ROS1: variants seen among roughly 807,000 people sequenced by gnomAD.
ROS1 encodes the protein proto-oncogene tyrosine-protein kinase ROS.
ROS1 carries 263 observed loss-of-function variants against 273.5 expected under a neutral mutation model. That is an observed-to-expected ratio of 0.96 (90% confidence interval 0.87 to 1.06). ROS1 has a LOEUF of 1.06. Among genes scored for constraint, ROS1 ranks in the 50% least tolerant of loss-of-function variants. ROS1 has a pLI of 0.00. For missense variants in ROS1, 2,833 were observed against 2,751.1 expected (o/e 1.03, Z -0.67); for synonymous variants, 1,008 against 954.1 (o/e 1.06, Z -1.04).
Position 117,337,205 on chromosome 6 carries a change from T to C in ROS1, c.5197A>G (p.Ser1733Gly), listed in dbSNP as rs143435239. ...VVVVYKTGEN[S>G]TSLPESFKTK... ...TTAAAGCTTTCTGGAAGTGAGGTGCTATTTTCTCCCGTCTTATAAACCACC... is the reference window on the plus strand; with the variant it reads ...TTAAAGCTTTCTGGAAGTGAGGTGCCATTTTCTCCCGTCTTATAAACCACC... The change falls in exon 32 of 44, where the codon AGC becomes GGC. Residue 1733 changes from serine to glycine, a missense_variant. Physicochemically the swap from Ser to Gly is moderately conservative, Grantham distance 56 (BLOSUM62 0). Coordinates refer to ENST00000368507, the MANE Select transcript of ROS1 (RefSeq NM_001378902.1). 1 of 1,612,390 alleles carries C rather than the reference T, an allele frequency of 6.2e-7. No individual in the cohort carries two copies. Among genetic ancestry groups the C allele is most frequent in the Non-Finnish European group, 8.5e-7 (1 of 1,179,028 alleles).
chr6:117,356,586 G>C, intron 26 of ROS1, 43 bp downstream of exon 26: 1 of 1,556,346 alleles, frequency 6.4e-7, no homozygotes, highest in South Asian at 1.2e-5. Context: ...TGAAGGGGCT[G>C]CTCTTATTAA....
intron 39 of ROS1, among the ~76,000 whole-genome samples, chr6:117,315,579 G>T (rs1487908616): frequency 6.6e-6 from 1 of 152,224 alleles, no homozygotes; most frequent in East Asian, 1.9e-4. Flanking sequence ...GTTAGATAAA[G>T]AGTTTTCAAC....
chr6:117,382,935 T>C (rs1011165570), intron 17 of ROS1, among the ~76,000 whole-genome samples: 2 of 152,114 alleles, frequency 1.3e-5, no homozygotes, highest in Non-Finnish European at 2.9e-5. Context: ...CCAAAACTGA[T>C]TGAAAATAGT....
intron 24 of ROS1, among the ~76,000 whole-genome samples, chr6:117,358,535 C>T (rs1046384739): frequency 2.0e-5 from 3 of 151,928 alleles, no homozygotes; most frequent in Non-Finnish European, 2.9e-5. Context: ...TCTTGGTTCA[C>T]TGAAACCTTC....
intron 25 of ROS1, among the ~76,000 whole-genome samples, chr6:117,357,580 T>C (rs1779427207): frequency 6.6e-6 from 1 of 152,232 alleles, no homozygotes; most frequent in South Asian, 2.1e-4. Flanking sequence ...TTTAGGTAAT[T>C]AGCCTAACTT....
rs1170617504 is a variant in ROS1 at position 117,323,892 on chromosome 6, G to T, written c.5623+440C>A. Among the ~76,000 whole-genome samples the T allele has an allele frequency of 2.0e-5, 3 of 152,096 alleles. No individual in the cohort carries two copies. In the South Asian group the frequency reaches 6.2e-4, roughly 32 times the overall value. On this transcript the variant is annotated intron_variant, in intron 35 of 43. Coordinates refer to ENST00000368507, the MANE Select transcript of ROS1 (RefSeq NM_001378902.1). ...AAGAGGCCCTACTCATTCCAAACCA[G>T]CCTGTCTGCTTAGAAACCAAAACTA...
chr6:117,394,738 A>C lies in ROS1; in HGVS notation c.884T>G (p.Val295Gly). The C allele has an allele frequency of 6.2e-7, 1 of 1,605,070 alleles. No homozygotes were observed. Among genetic ancestry groups the C allele is most frequent in the Non-Finnish European group, 8.5e-7 (1 of 1,176,694 alleles). ...AAAGAGCCACTGTTCCTCTTGTTGA[A>C]CTGAAAAAAACAACACAATTTGCAG... ...ESSITTSSSA[V>G]QQEEQWLFLS... The change falls in exon 10 of 44, where the codon GTT becomes GGT. Residue 295 changes from valine to glycine, a missense_variant and splice_region_variant. Physicochemically the swap from Val to Gly is moderately radical, Grantham distance 109. Transcript: ENST00000368507.
At chr6:117,388,384 C>T (rs1772770305) in intron 13 of ROS1, among the ~76,000 whole-genome samples, 1 of 151,958 alleles carries the variant, frequency 6.6e-6, no homozygotes, top group South Asian at 2.1e-4. Flanking sequence ...CCAAGAAGCC[C>T]AATCAATAAA....
At position 117,395,476 on chromosome 6, in the gene ROS1, G is replaced by A. The variant is rs560787974; in HGVS notation, c.883+712C>T. Among the ~76,000 whole-genome samples the A allele has an allele frequency of 2.6e-5, 4 of 152,232 alleles. No individual in the cohort carries two copies. The South Asian group carries it at 6.2e-4, about 24-fold the overall frequency. ...AGGCATGTACAGATTAGAGTAAGGG[G>A]CAGTCAAGTCAGCAAATAGGGTTCT... On this transcript the variant is annotated intron_variant, in intron 9 of 43. Transcript: ENST00000368507.
intron 26 of ROS1, 47 bp downstream of exon 26, chr6:117,356,582 G>A (rs985080684): frequency 2.3e-5 from 35 of 1,542,354 alleles, no homozygotes; most frequent in Non-Finnish European, 2.9e-5. Context: ...CAGTTGAAGG[G>A]GCTGCTCTTA....
Position 117,288,607 on chromosome 6 carries a change from T to A in ROS1, c.6911A>T (p.His2304Leu), listed in dbSNP as rs1409586765. The change falls in exon 44 of 44, where the codon CAT becomes CTT. Residue 2304 changes from histidine (H) to leucine (L), a missense_variant. His to Leu is a moderately conservative substitution (Grantham distance 99). Coordinates refer to ENST00000368507, the MANE Select transcript of ROS1 (RefSeq NM_001378902.1). ...TTCTTGGCAGAAATCTTTGTCTGCA[T>A]GTGGTTCCTTCTCTTCTTTCCTCAG... Reference protein sequence around the residue: ...CGLRKEEKEPHADKDFCQEKQ... With the variant: ...CGLRKEEKEPLADKDFCQEKQ... 6.2e-7 allele frequency: 1 copy of A among 1,614,208 alleles called. No homozygotes were observed. The highest frequency in any genetic ancestry group is 8.5e-7 in the Non-Finnish European group (1 of 1,180,034).
In ROS1 at chr6:117,362,773, T is replaced by C. The variant is rs2128655309; in HGVS notation, c.3196A>G (p.Lys1066Glu). 6.2e-7 allele frequency: 1 copy of C among 1,613,696 alleles called. No individual in the cohort carries two copies. The highest frequency in any genetic ancestry group is 1.1e-5 in the South Asian group (1 of 91,062). The change falls in exon 22 of 44, where the codon AAA (lysine) becomes GAA (glutamate). Residue 1066 changes from lysine to glutamate, a missense_variant. By Grantham distance (56) the Lys-to-Glu change is moderately conservative. Coordinates refer to ENST00000368507, the MANE Select transcript of ROS1 (RefSeq NM_001378902.1). ...AACACCCCATTTTCATGCTTAGGTT[T>C]GTTCCACCTAAATTCCACCACAACT... The part of the protein sequence containing the change: ...NEVVVEFRWN[K>E]PKHENGVLTK...
chr6:117,317,136 T>G lies in ROS1; in HGVS notation c.6117+7A>C, dbSNP rs1473707390. 6.2e-7 allele frequency: 1 copy of G among 1,609,620 alleles called. No homozygotes were observed. The highest frequency in any genetic ancestry group is 1.3e-5 in the African/African-American group (1 of 74,776). On this transcript the variant is annotated splice_region_variant and intron_variant, in intron 39 of 43. Transcript: ENST00000368507. ...TGAAACCAATATTATGGATCCCAACTGCCTACCGTTGCCATCCGGGCTTTA... is the reference window on the plus strand; with the variant it reads ...TGAAACCAATATTATGGATCCCAACGGCCTACCGTTGCCATCCGGGCTTTA...
rs1420973253 is a variant in ROS1, at chr6:117,346,570, C to CT, written c.4304-2309dup. Among the ~76,000 whole-genome samples the CT allele has an allele frequency of 9.2e-4, 135 of 146,866 alleles. 1 individual carries two copies. The highest frequency in any genetic ancestry group is 1.8e-3 in the Admixed American group (26 of 14,672). On this transcript the variant is annotated intron_variant, in intron 27 of 43. Coordinates refer to ENST00000368507, the MANE Select transcript of ROS1 (RefSeq NM_001378902.1). ...TCAACTTCAGATACTGCATGGACGTCTTTTTTTTTTGGTAAGACTTTATTT... is the reference window on the plus strand; with the variant it reads ...TCAACTTCAGATACTGCATGGACGTCTTTTTTTTTTTGGTAAGACTTTATTT...
chr6:117,314,004 T>C (rs539105246), intron 39 of ROS1, among the ~76,000 whole-genome samples: 1 of 152,212 alleles, frequency 6.6e-6, no homozygotes, highest in South Asian at 2.1e-4. Context: ...AACCAATCTT[T>C]ATAAGCATTA....
chr6:117,416,417 G>A (rs1775338257), intron 2 of ROS1, 100 bp from the exon 3 acceptor site: 1 of 789,132 alleles, frequency 1.3e-6, no homozygotes, highest in African/African-American at 1.7e-5. Flanking sequence ...ATCACTCTGT[G>A]TTTTAGAAAT....
chr6:117,310,580 C>T (rs1775465074), intron 40 of ROS1, among the ~76,000 whole-genome samples: 1 of 151,902 alleles, frequency 6.6e-6, no homozygotes, highest in Non-Finnish European at 1.5e-5. Flanking sequence ...GTATGATGTT[C>T]CCCTCCCTGT....
rs2128581553 is a variant in ROS1 at position 117,326,220 on chromosome 6, A to G, written c.5539+4T>C. On this transcript the variant is annotated splice_donor_region_variant and intron_variant, in intron 34 of 43. Coordinates refer to ENST00000368507, the MANE Select transcript of ROS1 (RefSeq NM_001378902.1). Reference sequence around the variant, plus strand: ...CTAGTGTGTAGACAGACATGGTAACATACCTCCAACTAATATAATATTCTC... The same window carrying G: ...CTAGTGTGTAGACAGACATGGTAACGTACCTCCAACTAATATAATATTCTC... 1 of 1,579,578 alleles carries G rather than the reference A, an allele frequency of 6.3e-7. No homozygotes were observed. Among genetic ancestry groups the G allele is most frequent in the Non-Finnish European group, 8.6e-7 (1 of 1,163,878 alleles).
At chr6:117,304,721 G>C (rs953212125) in intron 42 of ROS1, among the ~76,000 whole-genome samples, 17 of 152,102 alleles carry the variant, frequency 1.1e-4, no homozygotes, top group Admixed American at 4.6e-4. Context: ...TGTATATAAG[G>C]TTGGGTATTG....
Sources: gnomAD v4.1 joint callset for allele counts (sites outside exome capture counted in the v4.1 genomes callset) on GRCh38, gnomAD v4.1.1 for gene constraint, MANE v1.5 for transcripts, NCBI Gene and HGNC (gene_info 2026-07-23, HGNC 2026-07-21) for gene names.